The following KLF13 variants were observed in gnomAD, a reference collection of about 807,000 sequenced individuals.
The protein encoded by KLF13 is KLF transcription factor 13.
KLF13 carries 8 observed loss-of-function variants against 16.7 expected under a neutral mutation model. The observed-to-expected ratio is 0.48, with a 90% CI of 0.28 to 0.87. The LOEUF (loss-of-function observed/expected upper bound fraction) is 0.87. Among genes scored for constraint, KLF13 ranks in the 40% least tolerant of loss-of-function variants. KLF13 has a pLI of 0.10. For synonymous variants in KLF13, 245 were observed against 208.4 expected (o/e 1.18, Z -1.51); for missense variants, 447 against 452.2 (o/e 0.99, Z 0.10).
At chr15:31,434,067 C>A (rs1266029836) in intron 1 of KLF13, among the ~76,000 whole-genome samples, 3 of 152,204 alleles carry the variant, frequency 2.0e-5, no homozygotes, top group Non-Finnish European at 4.4e-5. Flanking sequence ...GAGATTCCCA[C>A]CTAGTGGAGG....
At chr15:31,365,947 C>T (rs2039462503) in intron 1 of KLF13, among the ~76,000 whole-genome samples, 1 of 131,050 alleles carries the variant, frequency 7.6e-6, no homozygotes, top group East Asian at 2.3e-4. Context: ...GCGGCTTGGG[C>T]AAGAGCAGCA....
chr15:31,409,077 G>T (rs908582857), downstream of KLF13, among the ~76,000 whole-genome samples: 1 of 152,158 alleles, frequency 6.6e-6, no homozygotes, highest in African/African-American at 2.4e-5. Context: ...CTGAGGTCAG[G>T]AGTTCCAGAC....
chr15:31,362,219 A>G (rs146002093), intron 1 of KLF13, among the ~76,000 whole-genome samples: 6 of 152,298 alleles, frequency 3.9e-5, no homozygotes, highest in Middle Eastern at 3.4e-3. Flanking sequence ...TTTGTCACCC[A>G]TAGCCTTTTA....
At chr15:31,405,105 G>C (rs1421583914), downstream of KLF13, among the ~76,000 whole-genome samples, 1 of 152,194 alleles carries the variant, frequency 6.6e-6, no homozygotes, top group Non-Finnish European at 1.5e-5. Flanking sequence ...AGGAAACTTT[G>C]GGAGGTGACT....
At chr15:31,401,797 C>T (rs2040040483) in intron 2 of KLF13, among the ~76,000 whole-genome samples, 1 of 152,188 alleles carries the variant, frequency 6.6e-6, no homozygotes, top group Non-Finnish European at 1.5e-5. Flanking sequence ...GCTGCATGGC[C>T]CACTTCAGCA....
intron 1 of KLF13, among the ~76,000 whole-genome samples, chr15:31,421,271 G>T (rs2040319035): frequency 6.6e-6 from 1 of 152,224 alleles, no homozygotes; most frequent in Admixed American, 6.5e-5. Flanking sequence ...GCTAAAGGGA[G>T]TTCTTCAAGT....
chr15:31,404,060 TCTC>T (rs992283681), exon 3 of KLF13: 48 of 152,264 alleles, frequency 3.2e-4, no homozygotes, highest in African/African-American at 1.1e-3. Flanking sequence ...TTTGCTTCCC[TCTC>T]CTCTCCGAAC....
intron 1 of KLF13, among the ~76,000 whole-genome samples, chr15:31,346,109 C>A (rs1428756340): frequency 6.6e-6 from 1 of 152,104 alleles, no homozygotes; most frequent in African/African-American, 2.4e-5. Context: ...CTCTCAGGAG[C>A]CCCCGAGAAC....
intron 1 of KLF13, among the ~76,000 whole-genome samples, chr15:31,339,516 G>A (rs1381646534): frequency 6.6e-6 from 1 of 152,182 alleles, no homozygotes; most frequent in East Asian, 1.9e-4. Context: ...GACACCACAC[G>A]AGGATTTTAT....
At chr15:31,393,016 C>T (rs2039896297) in exon 1 of KLF13, 1 of 152,514 alleles carries the variant, frequency 6.6e-6, no homozygotes, top group Non-Finnish European at 1.5e-5. Context: ...TCGCTCCAGC[C>T]CCACCATACC....
intron 1 of KLF13, among the ~76,000 whole-genome samples, chr15:31,365,648 G>T: frequency 6.6e-6 from 1 of 152,118 alleles, no homozygotes; most frequent in Non-Finnish European, 1.5e-5. Flanking sequence ...GGGTTGGGGG[G>T]GAGTTTGGCT....
chr15:31,347,312 C>T (rs947262754), intron 1 of KLF13, among the ~76,000 whole-genome samples: 1 of 152,152 alleles, frequency 6.6e-6, no homozygotes, highest in African/African-American at 2.4e-5. Context: ...GTCCTTGGTG[C>T]TCGTGGTGGG....
rs1376656831 is a variant in KLF13, at chr15:31,357,565, G to A, written c.578-14445G>A. The stretch of plus-strand genomic sequence containing the variant: ...GGAGGGTGGTCCTGCTGCACACTGG[G>A]AGAGAAGCTGGGAGGCAGCACTCTG... On this transcript the variant is annotated intron_variant, in intron 1 of 1. Coordinates refer to ENST00000307145, the MANE Select transcript of KLF13 (RefSeq NM_015995.4). Among the ~76,000 whole-genome samples, 5 of 152,214 alleles carry A rather than the reference G, an allele frequency of 3.3e-5. No individual in the cohort carries two copies. The South Asian group carries it at 6.2e-4, about 19-fold the overall frequency.
chr15:31,390,066 A>G (rs2039840694), upstream of KLF13, among the ~76,000 whole-genome samples: 1 of 152,170 alleles, frequency 6.6e-6, no homozygotes, highest in African/African-American at 2.4e-5. Flanking sequence ...TTTTATTAAC[A>G]GAATAATATT....
At chr15:31,347,170 A>G (rs2039136167) in intron 1 of KLF13, among the ~76,000 whole-genome samples, 1 of 152,138 alleles carries the variant, frequency 6.6e-6, no homozygotes, top group Non-Finnish European at 1.5e-5. Flanking sequence ...TCCCCCCTCC[A>G]TTGCTCTGCT....
At chr15:31,356,777 G>C (rs2039307009) in intron 1 of KLF13, among the ~76,000 whole-genome samples, 1 of 152,202 alleles carries the variant, frequency 6.6e-6, no homozygotes, top group African/African-American at 2.4e-5. Context: ...TCTGATTCTG[G>C]CTGTGTGCAC....
At position 31,330,430 on chromosome 15, in the gene KLF13, C is replaced by A. The variant is rs114224702; in HGVS notation, c.577+2641C>A. 4.6e-3 allele frequency among the ~76,000 whole-genome samples: 698 copies of A among 152,364 alleles called. 10 individuals carry two copies. Among genetic ancestry groups the A allele is most frequent in the African/African-American group, 0.016 (672 of 41,578 alleles). On this transcript the variant is annotated intron_variant, in intron 1 of 1. Transcript: ENST00000307145. The stretch of plus-strand genomic sequence containing the variant: ...CAGGAAGGTGGCCAGCTGCTCTGTG[C>A]TGTTCCTCTATGTGACCAGGGACCG...
At chr15:31,390,353 G>C (rs1412549351), upstream of KLF13, among the ~76,000 whole-genome samples, 1 of 152,146 alleles carries the variant, frequency 6.6e-6, no homozygotes, top group Non-Finnish European at 1.5e-5. Flanking sequence ...CTGCTTTTTT[G>C]AGTCCTTGGA....
chr15:31,388,498 C>G (rs1207490145), upstream of KLF13, among the ~76,000 whole-genome samples: 1 of 151,464 alleles, frequency 6.6e-6, no homozygotes, highest in Non-Finnish European at 1.5e-5. Context: ...CCTATAATCC[C>G]TCTCAGCTAC....
Sources: allele counts gnomAD v4.1 joint callset (sites outside exome capture counted in the v4.1 genomes callset), GRCh38; gene constraint gnomAD v4.1.1; transcripts MANE v1.5; gene names NCBI Gene and HGNC (gene_info 2026-07-23, HGNC 2026-07-21).